Variants in MACROD2 observed in about 807,000 individuals in gnomAD.
MACROD2 encodes ADP-ribose glycohydrolase MACROD2.
A neutral mutation model predicts 70.4 loss-of-function variants in MACROD2; 36 were observed. The observed-to-expected ratio is 0.51, with a 90% CI of 0.39 to 0.68. MACROD2 has a LOEUF of 0.68. Ranked by LOEUF, MACROD2 falls within the 30% of genes least tolerant of loss-of-function variation. The probability of loss-of-function intolerance (pLI) is 0.00; values close to 1 mark genes in which losing one functional copy is unlikely to be tolerated. For missense variants in MACROD2, 496 were observed against 538.4 expected (o/e 0.92, Z 0.78); for synonymous variants, 172 against 178.8 (o/e 0.96, Z 0.30).
intron 8 of MACROD2, among the ~76,000 whole-genome samples, chr20:15,684,835 A>C (rs1022957785): frequency 1.3e-5 from 2 of 152,148 alleles, no homozygotes; most frequent in African/African-American, 4.8e-5. Flanking sequence ...TTGAACATGC[A>C]TGTTTATATA....
At chr20:14,703,632 A>T (rs568502911) in intron 5 of MACROD2, among the ~76,000 whole-genome samples, 3 of 152,220 alleles carry the variant, frequency 2.0e-5, no homozygotes, top group Admixed American at 1.3e-4. Context: ...CAGGAGTTCA[A>T]GACCAGCCTG....
chr20:15,723,031 A>G (rs1461344908), intron 8 of MACROD2, among the ~76,000 whole-genome samples: 1 of 152,152 alleles, frequency 6.6e-6, no homozygotes, highest in Non-Finnish European at 1.5e-5. Context: ...GCTCTGTTTC[A>G]GTCCTTACAT....
chr20:15,662,109 CAA>C (rs1448554452), intron 8 of MACROD2, among the ~76,000 whole-genome samples: 15 of 152,140 alleles, frequency 9.9e-5, no homozygotes. Context: ...GAAACTAACC[CAA>C]AGACTCATCT....
At chr20:14,515,465 G>GCGCGCGCACA in intron 4 of MACROD2, among the ~76,000 whole-genome samples, 4 of 127,066 alleles carry the variant, frequency 3.1e-5, no homozygotes, top group Admixed American at 3.0e-4. Context: ...ACACACACAC[G>GCGCGCGCACA]CACACACACA....
intron 4 of MACROD2, among the ~76,000 whole-genome samples, chr20:14,611,696 G>A (rs1983180115): frequency 6.6e-6 from 1 of 151,978 alleles, no homozygotes; most frequent in Non-Finnish European, 1.5e-5. Flanking sequence ...ATAAAAGGAA[G>A]GGCATTCTTT....
At chr20:14,049,945 G>A (rs564975749) in intron 2 of MACROD2, among the ~76,000 whole-genome samples, 25 of 151,416 alleles carry the variant, frequency 1.7e-4, no homozygotes, top group African/African-American at 5.8e-4. Flanking sequence ...TTAGCTGGGC[G>A]TGGTGGCAGG....
chr20:14,180,097 C>G (rs567850055), intron 3 of MACROD2, among the ~76,000 whole-genome samples: 3 of 152,248 alleles, frequency 2.0e-5, no homozygotes, highest in Admixed American at 6.5e-5. Flanking sequence ...TCCTCAACCT[C>G]TGGCAACCAC....
At chr20:15,117,560 G>A (rs1273956306) in intron 5 of MACROD2, among the ~76,000 whole-genome samples, 9 of 152,058 alleles carry the variant, frequency 5.9e-5, no homozygotes, top group Admixed American at 3.3e-4. Flanking sequence ...TTGTTTCTTC[G>A]TGGAAAAACT....
chr20:14,049,190 C>A (rs6110145), intron 2 of MACROD2, among the ~76,000 whole-genome samples: 15,357 of 130,504 alleles, frequency 0.12, 1,225 homozygotes, highest in South Asian at 0.16. Context: ...AAAAAAAAAA[C>A]AAAAAAACAA....
At chr20:14,786,575 G>C (rs2072377517) in intron 5 of MACROD2, among the ~76,000 whole-genome samples, 1 of 151,428 alleles carries the variant, frequency 6.6e-6, no homozygotes, top group Non-Finnish European at 1.5e-5. Context: ...AAAAAAAAGA[G>C]AGAGAGAGAT....
At chr20:14,726,193 T>C (rs1171925774) in intron 5 of MACROD2, among the ~76,000 whole-genome samples, 2 of 152,192 alleles carry the variant, frequency 1.3e-5, no homozygotes, top group African/African-American at 2.4e-5. Flanking sequence ...TAGCAATAAA[T>C]TTTAAGGCAT....
At chr20:14,150,997 T>C (rs912657220) in intron 3 of MACROD2, among the ~76,000 whole-genome samples, 1 of 152,162 alleles carries the variant, frequency 6.6e-6, no homozygotes, top group African/African-American at 2.4e-5. Context: ...ATAAGGCCAG[T>C]ATTTATCATT....
chr20:15,997,585 G>T (rs1319243182), intron 15 of MACROD2, among the ~76,000 whole-genome samples: 1 of 152,158 alleles, frequency 6.6e-6, no homozygotes, highest in Non-Finnish European at 1.5e-5. Context: ...AGTTTTAACA[G>T]TTTTTTGTTG....
At chr20:15,295,774 A>AG (rs1480504994) in intron 6 of MACROD2, among the ~76,000 whole-genome samples, 2 of 152,190 alleles carry the variant, frequency 1.3e-5, no homozygotes, top group Non-Finnish European at 2.9e-5. Flanking sequence ...TGGTGGGACC[A>AG]GGGGAAAGTA....
chr20:14,151,648 T>C (rs1372186627), intron 3 of MACROD2, among the ~76,000 whole-genome samples: 1 of 152,068 alleles, frequency 6.6e-6, no homozygotes, highest in East Asian at 1.9e-4. Flanking sequence ...TTTATGGTAA[T>C]TATTTTTGAA....
chr20:14,080,499 AAAAC>A (rs1291197074), intron 2 of MACROD2, among the ~76,000 whole-genome samples: 1 of 151,812 alleles, frequency 6.6e-6, no homozygotes, highest in African/African-American at 2.4e-5. Flanking sequence ...AAATTCCAGT[AAAAC>A]AAACTCAAAA....
rs1411786230 is a variant in MACROD2, at chr20:15,696,858, C to T, written c.646-165887C>T. On this transcript the variant is annotated intron_variant, in intron 8 of 17. Coordinates refer to ENST00000684519, the MANE Select transcript of MACROD2 (RefSeq NM_001351661.2). ...TGTGCATAAAGGTGTCCATAGTAGC[C>T]TCGAATAATCTTTTTTTATTTCAGT... Among the ~76,000 whole-genome samples the T allele has an allele frequency of 4.6e-5, 7 of 151,666 alleles. No homozygotes were observed. In the East Asian group the frequency reaches 1.4e-3, roughly 29 times the overall value.
chr20:15,917,147 C>A (rs2065331459), intron 10 of MACROD2, among the ~76,000 whole-genome samples: 1 of 152,120 alleles, frequency 6.6e-6, no homozygotes, highest in Admixed American at 6.5e-5. Context: ...CTTTTCCATA[C>A]CACCCAGCCA....
intron 6 of MACROD2, among the ~76,000 whole-genome samples, chr20:15,248,413 A>G (rs774690794): frequency 1.3e-5 from 2 of 151,722 alleles, no homozygotes; most frequent in Non-Finnish European, 2.9e-5. Context: ...TTTCTTCTCA[A>G]TTGTCTTTGT....
Sources: gnomAD v4.1 joint callset for allele counts (sites outside exome capture counted in the v4.1 genomes callset) on GRCh38, gnomAD v4.1.1 for gene constraint, MANE v1.5 for transcripts, NCBI Gene and HGNC (gene_info 2026-07-23, HGNC 2026-07-21) for gene names.